The following ABCA12 variants were observed in gnomAD, a reference collection of about 807,000 sequenced individuals.
The protein encoded by ABCA12 is ATP binding cassette subfamily A member 12.
ABCA12 carries 156 observed loss-of-function variants against 293.5 expected under a neutral mutation model. That is an observed-to-expected ratio of 0.53 (90% CI 0.47 to 0.61). The LOEUF is 0.61. Among genes scored for constraint, ABCA12 ranks in the 20% least tolerant of loss-of-function variants. The pLI, the probability that ABCA12 is intolerant of heterozygous loss-of-function variation, is 0.00. For synonymous variants in ABCA12, 1,063 were observed against 1,108.0 expected (o/e 0.96, Z 0.81); for missense variants, 2,797 against 3,090.2 (o/e 0.91, Z 2.25).
At chr2:215,054,726 T>C in intron 3 of ABCA12, 62 bp from the exon 4 acceptor site, 1 of 1,289,100 alleles carries the variant, frequency 7.8e-7, no homozygotes, top group Non-Finnish European at 1.1e-6. Flanking sequence ...TACAGCAATG[T>C]ATTATGTGGC....
At chr2:215,055,838 C>T (rs1701409817) in intron 3 of ABCA12, among the ~76,000 whole-genome samples, 1 of 151,926 alleles carries the variant, frequency 6.6e-6, no homozygotes, top group Non-Finnish European at 1.5e-5. Context: ...GACTGTATGC[C>T]CCTAATCTTT....
intron 1 of ABCA12, among the ~76,000 whole-genome samples, chr2:215,123,716 T>C (rs1224274398): frequency 4.6e-5 from 7 of 152,182 alleles, no homozygotes; most frequent in Admixed American, 6.5e-5. Flanking sequence ...TTCTTTTCTC[T>C]GCATCCACAC....
At chr2:215,134,398 G>GTATATA (rs1703142358) in intron 1 of ABCA12, among the ~76,000 whole-genome samples, 4 of 143,186 alleles carry the variant, frequency 2.8e-5, no homozygotes, top group African/African-American at 1.0e-4. Flanking sequence ...ATATGTATAT[G>GTATATA]TGTATATATG....
intron 28 of ABCA12, among the ~76,000 whole-genome samples, chr2:214,984,319 A>G (rs1699739160): frequency 6.6e-6 from 1 of 151,470 alleles, no homozygotes; most frequent in African/African-American, 2.4e-5. Context: ...GATGGTCTCG[A>G]TCTCCTGACC....
chr2:215,121,201 A>G (rs1702798250), intron 1 of ABCA12, among the ~76,000 whole-genome samples: 2 of 152,308 alleles, frequency 1.3e-5, no homozygotes, highest in South Asian at 4.1e-4. Flanking sequence ...GAACCCAGGG[A>G]GTCTGGCTAC....
intron 40 of ABCA12, 126 bp from the exon 41 acceptor site, chr2:214,958,580 T>C: frequency 1.1e-6 from 1 of 946,872 alleles, no homozygotes. Flanking sequence ...AAATAAGGCA[T>C]CCTGCAAGGC....
chr2:214,989,397 C>A lies in ABCA12; in HGVS notation c.3761G>T (p.Cys1254Phe). Residue 1254 changes from cysteine (C) to phenylalanine (F), a missense_variant, in exon 26 of 53, where the codon TGC becomes TTC. This residue lies in a region of ABCA12 where 2,130 missense variants were observed against 2,427.0 expected (regional missense o/e 0.88). Transcript: ENST00000272895. Reference protein sequence around the residue: ...QDDTTSFGWLCCLILADSFIY... With the variant: ...QDDTTSFGWLFCLILADSFIY... Reference sequence around the variant, plus strand: ...GAAAGAGTCAGCTAGGATTAGACAGCACAGCCAGCCAAATGAGGTGGTGTC... The same window carrying A: ...GAAAGAGTCAGCTAGGATTAGACAGAACAGCCAGCCAAATGAGGTGGTGTC... The A allele has an allele frequency of 7.4e-6, 12 of 1,613,536 alleles. No homozygotes were observed. Among genetic ancestry groups the A allele is most frequent in the Non-Finnish European group, 1.0e-5 (12 of 1,179,902 alleles).
At chr2:214,952,007 C>T (rs1698789089) in intron 44 of ABCA12, among the ~76,000 whole-genome samples, 1 of 151,856 alleles carries the variant, frequency 6.6e-6, no homozygotes, top group South Asian at 2.1e-4. Flanking sequence ...TATCAGCCCT[C>T]CAAACTCATT....
In ABCA12 at chr2:215,010,396, G is replaced by C; in HGVS notation, c.2407C>G (p.Pro803Ala). Reference protein sequence around the residue: ...AGPVIWAFLKPMLLGRILYAP... With the variant: ...AGPVIWAFLKAMLLGRILYAP... ...TACAAAATTCTTCCCAACAACATAG[G>C]TTTCAAGAAAGCCCAAATCACAGGT... Residue 803 changes from proline to alanine, a missense_variant, in exon 18 of 53, where the codon CCT becomes GCT. By Grantham distance (27) the Pro-to-Ala change is conservative (BLOSUM62 -1). Coordinates refer to ENST00000272895, the MANE Select transcript of ABCA12 (RefSeq NM_173076.3). The C allele has an allele frequency of 6.2e-7, 1 of 1,613,784 alleles. No homozygotes were observed. Among genetic ancestry groups the C allele is most frequent in the South Asian group, 1.1e-5 (1 of 91,072 alleles).
At chr2:215,039,712 G>A (rs113541155) in intron 7 of ABCA12, among the ~76,000 whole-genome samples, 24 of 151,928 alleles carry the variant, frequency 1.6e-4, no homozygotes, top group Admixed American at 7.9e-4. Flanking sequence ...CCCAGATCCC[G>A]CCACTGCACT....
chr2:215,111,440 A>T (rs1185316806), intron 2 of ABCA12, among the ~76,000 whole-genome samples, 157 bp downstream of exon 2: 3 of 152,248 alleles, frequency 2.0e-5, no homozygotes, highest in South Asian at 4.1e-4. Context: ...TAACTTGAAA[A>T]TCTAGGGTAA....
At chr2:215,029,201 A>G (rs1415795733) in intron 9 of ABCA12, 1 of 152,038 alleles carries the variant, frequency 6.6e-6, no homozygotes, top group Non-Finnish European at 1.5e-5. Context: ...CCCCATCCCC[A>G]TCACAGAATA....
intron 23 of ABCA12, among the ~76,000 whole-genome samples, chr2:214,994,050 T>A (rs990007026): frequency 6.6e-6 from 1 of 152,078 alleles, no homozygotes; most frequent in African/African-American, 2.4e-5. Flanking sequence ...CATTCTAGCA[T>A]GAAACTTCAG....
chr2:215,071,478 G>A (rs956767014), intron 2 of ABCA12, among the ~76,000 whole-genome samples: 2 of 152,066 alleles, frequency 1.3e-5, no homozygotes, highest in Non-Finnish European at 2.9e-5. Flanking sequence ...ATAGATTACA[G>A]TAATGAAAAC....
chr2:215,050,884 A>T, intron 5 of ABCA12: 6 of 859,330 alleles, frequency 7.0e-6, no homozygotes, highest in Non-Finnish European at 8.4e-6. Context: ...TGACATAGGC[A>T]TCAATATATC....
At chr2:214,966,233 C>T (rs897660446) in intron 39 of ABCA12, among the ~76,000 whole-genome samples, 4 of 152,074 alleles carry the variant, frequency 2.6e-5, no homozygotes, top group African/African-American at 9.7e-5. Context: ...TGGGGCCTGT[C>T]AGAGCGCAGA....
intron 8 of ABCA12, 45 bp downstream of exon 8, chr2:215,036,908 G>T: frequency 6.6e-7 from 1 of 1,522,296 alleles, no homozygotes; most frequent in Non-Finnish European, 9.1e-7. Flanking sequence ...TTTCCAATGG[G>T]CTTTGTGACA....
At chr2:215,112,505 TTG>T (rs1491015709) in intron 1 of ABCA12, among the ~76,000 whole-genome samples, 2 of 60,186 alleles carry the variant, frequency 3.3e-5, no homozygotes, top group East Asian at 3.3e-3. Context: ...TTGTTTTTTT[TTG>T]TTTTTTTTTG....
intron 3 of ABCA12, among the ~76,000 whole-genome samples, chr2:215,061,007 G>T (rs1701517025): frequency 6.6e-6 from 1 of 152,000 alleles, no homozygotes; most frequent in Non-Finnish European, 1.5e-5. Context: ...GACCCTGTAT[G>T]CTCTAGGGGA....
Sources: gnomAD v4.1 joint callset for allele counts (sites outside exome capture counted in the v4.1 genomes callset) on GRCh38, gnomAD v4.1.1 for gene constraint, gnomAD v4.1.1 regional missense constraint, MANE v1.5 for transcripts, NCBI Gene and HGNC (gene_info 2026-07-23, HGNC 2026-07-21) for gene names.